The following LRP1B variants were observed in gnomAD, a reference collection of about 807,000 sequenced individuals.
The protein encoded by LRP1B is low-density lipoprotein receptor-related protein 1B.
LRP1B carries 217 observed loss-of-function variants against 556.6 expected under a neutral mutation model. That is an observed-to-expected ratio of 0.39 (90% CI 0.35 to 0.44). The LOEUF (loss-of-function observed/expected upper bound fraction) is 0.44, where lower values mean the gene tolerates loss of function less well. Among genes scored for constraint, LRP1B ranks in the 20% least tolerant of loss-of-function variants. LRP1B has a pLI of 1.00. For synonymous variants in LRP1B, 2,047 were observed against 1,865.8 expected (o/e 1.10, Z -2.50); for missense variants, 5,053 against 5,620.8 (o/e 0.90, Z 3.23).
At chr2:141,167,390 CATT>C (rs1680316593) in intron 7 of LRP1B, 1 of 151,710 alleles carries the variant, frequency 6.6e-6, no homozygotes, top group Non-Finnish European at 1.5e-5. Context: ...ATATAGTTCC[CATT>C]ATATTTTCCA....
At chr2:141,449,921 G>A (rs1681352090) in intron 3 of LRP1B, among the ~76,000 whole-genome samples, 1 of 152,144 alleles carries the variant, frequency 6.6e-6, no homozygotes, top group Admixed American at 6.5e-5. Flanking sequence ...CTACCCTCTA[G>A]ATGTCAGTTT....
chr2:141,365,522 G>A (rs1322785648), intron 3 of LRP1B, among the ~76,000 whole-genome samples: 1 of 146,530 alleles, frequency 6.8e-6, no homozygotes, highest in Non-Finnish European at 1.5e-5. Flanking sequence ...TTCACTGAAA[G>A]AAAACAGCAC....
chr2:141,859,561 T>A (rs762983196), intron 1 of LRP1B, among the ~76,000 whole-genome samples: 4 of 152,140 alleles, frequency 2.6e-5, no homozygotes, highest in Admixed American at 6.6e-5. Context: ...AGTGAAAGAT[T>A]TAAAAAGTAT....
At chr2:141,689,703 A>G (rs763975811) in intron 2 of LRP1B, among the ~76,000 whole-genome samples, 2 of 151,738 alleles carry the variant, frequency 1.3e-5, no homozygotes, top group Non-Finnish European at 2.9e-5. Context: ...TTCTCATCAT[A>G]ACTTAGAAAA....
intron 59 of LRP1B, 136 bp from the exon 60 acceptor site, chr2:140,475,473 C>G (rs1220408304): frequency 1.5e-5 from 8 of 546,796 alleles, no homozygotes; most frequent in Non-Finnish European, 2.2e-5. Context: ...TAAGAAACAT[C>G]CTTTGATGCA....
chr2:140,716,609 A>AT (rs1380087377), intron 36 of LRP1B, 73 bp downstream of exon 36: 46 of 1,447,658 alleles, frequency 3.2e-5, no homozygotes, highest in Non-Finnish European at 3.9e-5. Flanking sequence ...GTTAGAAAAG[A>AT]TTTTTTATGA....
At chr2:140,527,081 C>T (rs188251440) in intron 47 of LRP1B, among the ~76,000 whole-genome samples, 173 of 151,946 alleles carry the variant, frequency 1.1e-3, no homozygotes, top group African/African-American at 4.1e-3. Flanking sequence ...AAAAGTCATC[C>T]AATTCTCTGC....
At chr2:140,321,925 A>G (rs1680159685) in intron 82 of LRP1B, 38 bp downstream of exon 82, 2 of 1,581,570 alleles carry the variant, frequency 1.3e-6, no homozygotes, top group Non-Finnish European at 1.7e-6. Flanking sequence ...TATGATAAGG[A>G]TTAATTCATT....
intron 43 of LRP1B, among the ~76,000 whole-genome samples, chr2:140,595,107 T>C (rs1308576318): frequency 1.6e-5 from 1 of 61,408 alleles, no homozygotes; most frequent in African/African-American, 7.1e-5. Context: ...TATATATATA[T>C]ATATATATAT....
At chr2:142,019,810 C>T (rs982783347) in intron 1 of LRP1B, among the ~76,000 whole-genome samples, 1 of 152,190 alleles carries the variant, frequency 6.6e-6, no homozygotes, top group Non-Finnish European at 1.5e-5. Context: ...AGGACCTCTT[C>T]CCAAGTCACT....
At chr2:140,936,718 AT>A (rs1398531678) in intron 20 of LRP1B, among the ~76,000 whole-genome samples, 1 of 152,174 alleles carries the variant, frequency 6.6e-6, no homozygotes, top group African/African-American at 2.4e-5. Context: ...TTTGAAAAAA[AT>A]ATTATTCTAA....
chr2:141,511,918 A>G (rs1684144978), intron 2 of LRP1B, among the ~76,000 whole-genome samples: 1 of 152,144 alleles, frequency 6.6e-6, no homozygotes, highest in African/African-American at 2.4e-5. Context: ...TATAAGAGGC[A>G]TTTTTCCTAG....
At chr2:141,888,491 G>A (rs186280746) in intron 1 of LRP1B, among the ~76,000 whole-genome samples, 113 of 152,164 alleles carry the variant, frequency 7.4e-4, no homozygotes, top group Admixed American at 1.8e-3. Flanking sequence ...TTTTCACCAG[G>A]GCTAAATCTA....
intron 68 of LRP1B, among the ~76,000 whole-genome samples, chr2:140,374,706 C>G (rs1386023542): frequency 6.6e-6 from 1 of 152,044 alleles, no homozygotes; most frequent in African/African-American, 2.4e-5. Flanking sequence ...AAATTAACAT[C>G]TCATATAACT....
At chr2:142,088,720 A>G (rs1706043923) in intron 1 of LRP1B, among the ~76,000 whole-genome samples, 1 of 152,112 alleles carries the variant, frequency 6.6e-6, no homozygotes, top group Non-Finnish European at 1.5e-5. Context: ...TCACACCTGT[A>G]ATCCCAGCAC....
chr2:140,307,124 A>G (rs1684100904), intron 83 of LRP1B, among the ~76,000 whole-genome samples: 2 of 152,036 alleles, frequency 1.3e-5, no homozygotes, highest in Admixed American at 1.3e-4. Context: ...TAAAGGAACA[A>G]TATCAATTTG....
intron 66 of LRP1B, among the ~76,000 whole-genome samples, chr2:140,423,716 G>A (rs898743338): frequency 6.6e-6 from 1 of 152,076 alleles, no homozygotes; most frequent in African/African-American, 2.4e-5. Context: ...AACACATAGA[G>A]CTAGAGCTTG....
intron 14 of LRP1B, among the ~76,000 whole-genome samples, chr2:141,011,983 T>A (rs936537463): frequency 2.6e-5 from 4 of 152,102 alleles, no homozygotes; most frequent in African/African-American, 9.6e-5. Context: ...CATAATTTGT[T>A]TGTCAGGCAC....
At chr2:140,381,690 C>A (rs1683495418) in intron 67 of LRP1B, among the ~76,000 whole-genome samples, 1 of 151,388 alleles carries the variant, frequency 6.6e-6, no homozygotes, top group Admixed American at 6.6e-5. Flanking sequence ...TGGTGAAAAC[C>A]CCCTGCACAA....
Sources: gnomAD v4.1 joint callset for allele counts (sites outside exome capture counted in the v4.1 genomes callset) on GRCh38, gnomAD v4.1.1 for gene constraint, MANE v1.5 for transcripts, NCBI Gene and HGNC (gene_info 2026-07-23, HGNC 2026-07-21) for gene names.